RANBP2: variants seen among roughly 807,000 people sequenced by gnomAD.
The protein encoded by RANBP2 is RAN binding protein 2.
Under a neutral mutation model 303.6 loss-of-function variants are expected in RANBP2, and 57 were observed. The observed-to-expected ratio is 0.19, with a 90% CI of 0.15 to 0.23. The LOEUF is 0.23. RANBP2 is among the 10% of genes least tolerant of loss of function. RANBP2 has a pLI of 1.00. For missense variants in RANBP2, 3,138 were observed against 3,780.8 expected (o/e 0.83, Z 4.46); for synonymous variants, 1,167 against 1,301.5 (o/e 0.90, Z 2.23).
chr2:108,994,821 TATATA>T, the RANBP2 span, among the ~76,000 whole-genome samples: 3 of 33,084 alleles, frequency 9.1e-5, no homozygotes, highest in Non-Finnish European at 1.1e-4. Context: ...TATATATATA[TATATA>T]TATCTTTTTT....
chr2:109,297,247 C>T, the RANBP2 span, among the ~76,000 whole-genome samples: 1 of 152,118 alleles, frequency 6.6e-6, no homozygotes, highest in African/African-American at 2.4e-5. Context: ...ACACCATCAT[C>T]ATCATCGTCA....
chr2:108,977,758 AGGCCTCAGTGTCTGAAG>A, the RANBP2 span, among the ~76,000 whole-genome samples: 1 of 152,296 alleles, frequency 6.6e-6, no homozygotes, highest in South Asian at 2.1e-4. Context: ...GGGTGGAAAC[AGGCCTCAGTGTCTGAAG>A]GACCCACAGC....
the RANBP2 span, among the ~76,000 whole-genome samples, chr2:108,843,876 G>T: frequency 0.052 from 725 of 13,868 alleles, 32 homozygotes; most frequent in Non-Finnish European, 0.13. Flanking sequence ...GTGTGTGTGT[G>T]TGTTTCTTTC....
the RANBP2 span, among the ~76,000 whole-genome samples, chr2:109,262,317 G>A: frequency 2.6e-4 from 40 of 152,178 alleles, no homozygotes; most frequent in African/African-American, 9.7e-4. Context: ...GAGTAACCAC[G>A]GTGGAAAAGC....
the RANBP2 span, among the ~76,000 whole-genome samples, chr2:109,062,018 C>G: frequency 2.6e-5 from 4 of 152,178 alleles, no homozygotes; most frequent in Admixed American, 2.0e-4. Flanking sequence ...ACAGACCCTC[C>G]AGCCCCGAAA....
At chr2:109,178,100 C>T in the RANBP2 span, among the ~76,000 whole-genome samples, 2 of 152,162 alleles carry the variant, frequency 1.3e-5, no homozygotes, top group African/African-American at 4.8e-5. Flanking sequence ...AATATTTTCT[C>T]TTTCTATATC....
the RANBP2 span, among the ~76,000 whole-genome samples, chr2:109,269,109 G>A: frequency 3.3e-5 from 5 of 152,290 alleles, no homozygotes; most frequent in East Asian, 9.7e-4. Context: ...GGCCGCACGT[G>A]GATTTTGTGC....
At chr2:109,597,265 A>G in the RANBP2 span, among the ~76,000 whole-genome samples, 1 of 152,254 alleles carries the variant, frequency 6.6e-6, no homozygotes, top group African/African-American at 2.4e-5. Flanking sequence ...ATAAATTAGC[A>G]GGAAAAGTAA....
chr2:108,907,783 C>A, the RANBP2 span: 152 of 1,561,252 alleles, frequency 9.7e-5, no homozygotes, highest in Middle Eastern at 1.2e-3. Flanking sequence ...AGAGCTGATT[C>A]AATAAGAAAG....
At chr2:109,725,466 A>T in the RANBP2 span, among the ~76,000 whole-genome samples, 5 of 152,248 alleles carry the variant, frequency 3.3e-5, no homozygotes, top group Middle Eastern at 0.01. Context: ...GGTGCCATGG[A>T]CTTTCATTAG....
the RANBP2 span, among the ~76,000 whole-genome samples, chr2:109,091,132 A>G: frequency 4.6e-5 from 7 of 152,146 alleles, no homozygotes; most frequent in African/African-American, 1.7e-4. Flanking sequence ...TCCAGAGATG[A>G]GGCGGGAGGA....
chr2:108,740,376 ATG>A, intron 6 of RANBP2, 111 bp from the exon 7 acceptor site: 3 of 1,489,036 alleles, frequency 2.0e-6, no homozygotes, highest in Non-Finnish European at 2.8e-6. Flanking sequence ...TATTAGTTGA[ATG>A]TGGAAGATGA....
rs778905826 is a variant in RANBP2 at position 108,784,433 on chromosome 2, C to T, written c.*532C>T. The T allele has an allele frequency of 2.6e-5, 4 of 153,378 alleles. No homozygotes were observed. Among genetic ancestry groups the T allele is most frequent in the Non-Finnish European group, 5.8e-5 (4 of 68,578 alleles). 9.5% of individuals were successfully genotyped at this position (153,378 alleles called of 1,614,324 possible). A position where few individuals can be genotyped will look rare whatever the true frequency, so the allele number is the denominator to read the frequency against. On this transcript the variant is annotated 3_prime_UTR_variant, in exon 29 of 29. Coordinates refer to ENST00000283195, the MANE Select transcript of RANBP2 (RefSeq NM_006267.5). ...AAAGTGCTCTTCTCTAGAATCTTTA[C>T]ACCTCCTGTGTGGTTACAAGTTAAC...
chr2:109,613,828 G>A, the RANBP2 span: 1 of 1,237,410 alleles, frequency 8.1e-7, no homozygotes, highest in Non-Finnish European at 1.0e-6. Flanking sequence ...AGGAGGCCAT[G>A]GTCGCGGGCA....
At chr2:109,279,809 G>C in the RANBP2 span, among the ~76,000 whole-genome samples, 1 of 152,200 alleles carries the variant, frequency 6.6e-6, no homozygotes, top group East Asian at 1.9e-4. Context: ...GAAGAGGTCC[G>C]GGAGGATCTA....
At chr2:109,279,246 A>T in the RANBP2 span, among the ~76,000 whole-genome samples, 1 of 152,136 alleles carries the variant, frequency 6.6e-6, no homozygotes, top group African/African-American at 2.4e-5. Context: ...CTGACTTCTG[A>T]ATGTGGCTTA....
chr2:109,646,072 C>T, the RANBP2 span, among the ~76,000 whole-genome samples: 1 of 152,230 alleles, frequency 6.6e-6, no homozygotes, highest in Non-Finnish European at 1.5e-5. Flanking sequence ...TGTCCCCAAC[C>T]TTCCCTCCTC....
the RANBP2 span, among the ~76,000 whole-genome samples, chr2:109,560,618 G>A: frequency 6.6e-6 from 1 of 152,140 alleles, no homozygotes; most frequent in Non-Finnish European, 1.5e-5. Flanking sequence ...ACCCCAAAGT[G>A]CTTACTTGTA....
chr2:109,620,691 C>T, the RANBP2 span, among the ~76,000 whole-genome samples: 1 of 151,726 alleles, frequency 6.6e-6, no homozygotes, highest in Non-Finnish European at 1.5e-5. Flanking sequence ...ATCACAGCGA[C>T]TCTGTCTCAA....
Sources: allele counts gnomAD v4.1 joint callset (sites outside exome capture counted in the v4.1 genomes callset), GRCh38; gene constraint gnomAD v4.1.1; transcripts MANE v1.5; gene names NCBI Gene and HGNC (gene_info 2026-07-23, HGNC 2026-07-21).